The following TTC3 variants were observed in gnomAD, a reference collection of about 807,000 sequenced individuals.
TTC3 encodes tetratricopeptide repeat domain 3.
In TTC3, 180 loss-of-function variants were observed where a neutral mutation model predicts 249.6. That is an observed-to-expected ratio of 0.72 (90% CI 0.64 to 0.82). The LOEUF is 0.82. Ranked by LOEUF, TTC3 falls within the 40% of genes least tolerant of loss-of-function variation. TTC3 has a pLI of 0.00. For missense variants in TTC3, 2,061 were observed against 2,398.4 expected, an observed-to-expected ratio of 0.86 and a Z score of 2.94; for synonymous variants, 717 against 805.0, an observed-to-expected ratio of 0.89 and a Z score of 1.85.
intron 16 of TTC3, among the ~76,000 whole-genome samples, chr21:37,132,371 C>T (rs1010583562): frequency 6.6e-6 from 1 of 151,306 alleles, no homozygotes; most frequent in African/African-American, 2.4e-5. Flanking sequence ...TGCTCTGTCG[C>T]CCAGGCTGGA....
intron 1 of TTC3, chr21:37,083,189 A>G (rs887666157): frequency 1.0e-6 from 1 of 985,312 alleles, no homozygotes; most frequent in African/African-American, 1.7e-5. Context: ...AATAGACATT[A>G]GGTGGTTGCA....
At chr21:37,141,259 A>G (rs922011875) in intron 20 of TTC3, among the ~76,000 whole-genome samples, 2 of 152,206 alleles carry the variant, frequency 1.3e-5, no homozygotes, top group African/African-American at 4.8e-5. Flanking sequence ...TAAAAAAAGA[A>G]AATCTGTTTC....
chr21:37,119,875 G>A (rs1772792631), intron 11 of TTC3, among the ~76,000 whole-genome samples: 1 of 152,092 alleles, frequency 6.6e-6, no homozygotes, highest in South Asian at 2.1e-4. Flanking sequence ...CTTTTACCAT[G>A]TAGTGGGATC....
chr21:37,099,191 G>A (rs1053153109), intron 10 of TTC3: 1 of 151,720 alleles, frequency 6.6e-6, no homozygotes, highest in Non-Finnish European at 1.5e-5. Flanking sequence ...AAATGAAAAA[G>A]AGATTCAATT....
intron 18 of TTC3, among the ~76,000 whole-genome samples, chr21:37,136,751 G>A (rs2077978579): frequency 1.3e-5 from 2 of 152,230 alleles, no homozygotes; most frequent in African/African-American, 4.8e-5. Flanking sequence ...ACAACAGATT[G>A]TCAATGGAGA....
chr21:37,078,827 T>C (rs2146868061), intron 1 of TTC3, among the ~76,000 whole-genome samples: 1 of 152,308 alleles, frequency 6.6e-6, no homozygotes, highest in East Asian at 1.9e-4. Flanking sequence ...TACTTTATAC[T>C]TACGTTCAAT....
At chr21:37,091,190 G>A in intron 6 of TTC3, 103 bp from the exon 7 acceptor site, 2 of 1,263,254 alleles carry the variant, frequency 1.6e-6, no homozygotes, top group Non-Finnish European at 2.2e-6. Context: ...TACCAGTTTT[G>A]TAGTAAGGAT....
intron 1 of TTC3, chr21:37,082,716 T>G (rs1207296475): frequency 1.2e-5 from 11 of 954,164 alleles, no homozygotes; most frequent in African/African-American, 9.0e-5. Flanking sequence ...CAAAAAGTGT[T>G]TTTTTTTTTA....
chr21:37,075,428 G>A (rs1038128431), intron 1 of TTC3, among the ~76,000 whole-genome samples: 1 of 152,198 alleles, frequency 6.6e-6, no homozygotes, highest in Admixed American at 6.5e-5. Flanking sequence ...GTACACCTAA[G>A]TAGTAGATTT....
At chr21:37,136,087 G>A (rs1793877) in intron 18 of TTC3, among the ~76,000 whole-genome samples, 1 of 152,042 alleles carries the variant, frequency 6.6e-6, no homozygotes, top group Admixed American at 6.6e-5. Flanking sequence ...GTAAGAAAGG[G>A]AACTTAATAA....
chr21:37,109,839 G>A (rs556754701), intron 11 of TTC3, among the ~76,000 whole-genome samples: 1 of 152,328 alleles, frequency 6.6e-6, no homozygotes, highest in African/African-American at 2.4e-5. Context: ...ACCTCACACG[G>A]CCGGGTACTC....
intron 27 of TTC3, among the ~76,000 whole-genome samples, chr21:37,154,227 C>T (rs1458039743): frequency 6.6e-6 from 1 of 152,252 alleles, no homozygotes; most frequent in Non-Finnish European, 1.5e-5. Flanking sequence ...AAGGCAGGGC[C>T]TTTAGCCGCA....
At chr21:37,180,133 C>T (rs183882465) in intron 35 of TTC3, among the ~76,000 whole-genome samples, 1 of 152,252 alleles carries the variant, frequency 6.6e-6, no homozygotes, top group East Asian at 1.9e-4. Context: ...TTCTGTCTGC[C>T]ATCACTTCCA....
intron 10 of TTC3, among the ~76,000 whole-genome samples, chr21:37,102,695 T>C (rs1370446461): frequency 6.6e-6 from 1 of 152,160 alleles, no homozygotes; most frequent in African/African-American, 2.4e-5. Context: ...GAATCTGGTG[T>C]TTTAGATTCC....
Position 37,103,331 on chromosome 21 carries a change from A to ACT in TTC3, c.846-5059_846-5058dup, listed in dbSNP as rs568439324. Among the ~76,000 whole-genome samples, 224 of 152,266 alleles carry ACT rather than the reference A, an allele frequency of 1.5e-3. 2 individuals carry two copies. Among genetic ancestry groups the ACT allele is most frequent in the African/African-American group, 4.9e-3 (205 of 41,556 alleles). On this transcript the variant is annotated intron_variant, in intron 10 of 45. Transcript: ENST00000355666. ...AACTCTCTTTCTTACTCTGTTTAATACTCACCATGTCACACAGTCTTCAAG... is the reference window on the plus strand; with the variant it reads ...AACTCTCTTTCTTACTCTGTTTAATACTCTCACCATGTCACACAGTCTTCAAG...
intron 1 of TTC3, among the ~76,000 whole-genome samples, chr21:37,080,927 T>C (rs4572679): frequency 0.45 from 68,837 of 151,584 alleles, 16,168 homozygotes; most frequent in Non-Finnish European, 0.52. Flanking sequence ...GGTGTCTTGG[T>C]TGGTGTTTGA....
At position 37,189,144 on chromosome 21, in the gene TTC3, A is replaced by T. The variant is rs1477561485; in HGVS notation, c.5024+549A>T. Among the ~76,000 whole-genome samples, 4 of 152,214 alleles carry T rather than the reference A, an allele frequency of 2.6e-5. No individual in the cohort carries two copies. In the South Asian group the frequency reaches 8.3e-4, roughly 31 times the overall value. On this transcript the variant is annotated intron_variant, in intron 39 of 45. Transcript: ENST00000355666. Reference sequence around the variant, plus strand: ...AATTTTTTGCCAAGTTGCTTTCCATAGTAGCTATTATTTAACAGTCTGCAT... The same window carrying T: ...AATTTTTTGCCAAGTTGCTTTCCATTGTAGCTATTATTTAACAGTCTGCAT...
chr21:37,088,686 G>A, intron 4 of TTC3, 113 bp from the exon 5 acceptor site: 8 of 966,344 alleles, frequency 8.3e-6, no homozygotes, highest in African/African-American at 1.6e-5. Flanking sequence ...TACCTAGAGT[G>A]AAGAAAAAGA....
chr21:37,108,197 CT>C, intron 10 of TTC3, 194 bp from the exon 11 acceptor site: 10 of 483,062 alleles, frequency 2.1e-5, no homozygotes, highest in South Asian at 3.6e-5. Context: ...CTCTGGGTGA[CT>C]TTTTCCCTTT....
Sources: gnomAD v4.1 joint callset for allele counts (sites outside exome capture counted in the v4.1 genomes callset) on GRCh38, gnomAD v4.1.1 for gene constraint, MANE v1.5 for transcripts, NCBI Gene and HGNC (gene_info 2026-07-23, HGNC 2026-07-21) for gene names.